Variants in DRC9 observed in about 807,000 individuals in gnomAD.
The protein encoded by DRC9 is dynein regulatory complex protein 9.
At chr3:197,941,340 CCT>C in the DRC9 span, among the ~76,000 whole-genome samples, 8 of 83,814 alleles carry the variant, frequency 9.5e-5, no homozygotes, top group South Asian at 5.0e-4. Context: ...CTCTCTCTCC[CCT>C]CTGTCTCTTT....
the DRC9 span, among the ~76,000 whole-genome samples, chr3:197,915,943 G>A: frequency 2.0e-5 from 3 of 151,904 alleles, no homozygotes; most frequent in East Asian, 1.9e-4. Flanking sequence ...ATTGCCTTTC[G>A]TCTTAACCAT....
the DRC9 span, chr3:197,938,732 T>G: frequency 6.2e-7 from 1 of 1,614,082 alleles, no homozygotes; most frequent in Non-Finnish European, 8.5e-7. Context: ...GTTGAGGCCA[T>G]TGGAAGTTTG....
the DRC9 span, among the ~76,000 whole-genome samples, chr3:197,915,730 A>G: frequency 6.6e-6 from 1 of 151,918 alleles, no homozygotes; most frequent in African/African-American, 2.4e-5. Flanking sequence ...CCCAGGTTCA[A>G]GTGATCCTCC....
At chr3:197,903,558 C>T in the DRC9 span, among the ~76,000 whole-genome samples, 1 of 152,288 alleles carries the variant, frequency 6.6e-6, no homozygotes, top group South Asian at 2.1e-4. Flanking sequence ...ATCTCTTGAA[C>T]CCAGGAGGCG....
the DRC9 span, among the ~76,000 whole-genome samples, chr3:197,905,505 G>A: frequency 1.5e-4 from 23 of 152,240 alleles, no homozygotes; most frequent in African/African-American, 4.3e-4. Context: ...TCAGCACTTC[G>A]GGAGGCTGAG....
chr3:197,900,254 T>C, the DRC9 span, among the ~76,000 whole-genome samples: 1 of 152,212 alleles, frequency 6.6e-6, no homozygotes, highest in African/African-American at 2.4e-5. The surrounding 1 kb of genome is among the most constrained non-coding windows in gnomAD (Gnocchi z 4.7). Flanking sequence ...GCCTGTGGAC[T>C]TGGGGGACTT....
At chr3:197,936,939 T>C in the DRC9 span, among the ~76,000 whole-genome samples, 1 of 152,168 alleles carries the variant, frequency 6.6e-6, no homozygotes, top group Non-Finnish European at 1.5e-5. Flanking sequence ...GATCTTACTC[T>C]TGGTTAGGGT....
At chr3:197,934,183 C>CTTTTTTTTTTTTTTTTTTT in the DRC9 span, among the ~76,000 whole-genome samples, 11 of 99,506 alleles carry the variant, frequency 1.1e-4, 2 homozygotes, top group African/African-American at 2.4e-4. Context: ...CATTCTGGGT[C>CTTTTTTTTTTTTTTTTTTT]TTTTTTTTTT....
At chr3:197,951,346 G>A in the DRC9 span, 1 of 1,607,654 alleles carries the variant, frequency 6.2e-7, no homozygotes, top group Non-Finnish European at 8.5e-7. Context: ...TTGGGTTTTT[G>A]AGATCTGCCT....
the DRC9 span, among the ~76,000 whole-genome samples, chr3:197,915,119 A>C: frequency 6.9e-6 from 1 of 145,238 alleles, no homozygotes; most frequent in African/African-American, 2.5e-5. Flanking sequence ...AGCTGAGATC[A>C]TGCCACTGCA....
the DRC9 span, chr3:197,950,026 A>G: frequency 2.3e-6 from 2 of 886,026 alleles, no homozygotes; most frequent in Non-Finnish European, 1.5e-6. Flanking sequence ...TACCAAGATG[A>G]AAGGACTTAG....
chr3:197,891,598 G>A, the DRC9 span: 25 of 1,010,828 alleles, frequency 2.5e-5, no homozygotes, highest in African/African-American at 3.9e-4. Context: ...TGGCTAAGCT[G>A]TAGCCCAGCC....
the DRC9 span, among the ~76,000 whole-genome samples, chr3:197,948,688 A>G: frequency 6.6e-6 from 1 of 152,238 alleles, no homozygotes; most frequent in South Asian, 2.1e-4. Context: ...GCTACAAGGT[A>G]CAAGTTCTAT....
the DRC9 span, among the ~76,000 whole-genome samples, chr3:197,904,272 T>C: frequency 6.6e-6 from 1 of 151,578 alleles, no homozygotes; most frequent in Non-Finnish European, 1.5e-5. Flanking sequence ...ATGGTGTGTA[T>C]CTAAAAGACA....
chr3:197,950,096 A>T, the DRC9 span: 4 of 1,227,192 alleles, frequency 3.3e-6, no homozygotes, highest in Non-Finnish European at 4.1e-6. Flanking sequence ...CCGATTTCCG[A>T]GGATTGTTTT....
At chr3:197,922,625 G>T in the DRC9 span, among the ~76,000 whole-genome samples, 1 of 152,064 alleles carries the variant, frequency 6.6e-6, no homozygotes, top group African/African-American at 2.4e-5. Context: ...AGAATCGCTT[G>T]AACTCGAGAG....
chr3:197,946,352 G>A, the DRC9 span, among the ~76,000 whole-genome samples: 30,865 of 149,480 alleles, frequency 0.21, 4,346 homozygotes, highest in African/African-American at 0.42. Flanking sequence ...GGAGAATGGC[G>A]TGAACCTGGG....
chr3:197,913,339 TGCGTGCGTGTGTGCGTGC>T, the DRC9 span: 6 of 227,344 alleles, frequency 2.6e-5, no homozygotes, highest in African/African-American at 7.2e-5. Flanking sequence ...CGTGCGTGCG[TGCGTGCGTGTGTGCGTGC>T]GTGCGTGTGT....
the DRC9 span, among the ~76,000 whole-genome samples, chr3:197,895,144 A>G: frequency 3.7e-4 from 56 of 152,298 alleles, 1 homozygote; most frequent in East Asian, 6.9e-3. Context: ...CCTCTTGTTA[A>G]CACTTAAAAA....
Sources: allele counts gnomAD v4.1 joint callset (sites outside exome capture counted in the v4.1 genomes callset), GRCh38; gene constraint gnomAD v4.1.1; non-coding constraint Gnocchi (gnomAD v3.1); transcripts MANE v1.5; gene names NCBI Gene and HGNC (gene_info 2026-07-23, HGNC 2026-07-21).